The following TMEM132D variants were observed in gnomAD, a reference collection of about 807,000 sequenced individuals.
The protein encoded by TMEM132D is mature OL transmembrane protein.
In TMEM132D, 21 loss-of-function variants were observed where a neutral mutation model predicts 62.3. That is an observed-to-expected ratio of 0.34 (90% CI 0.24 to 0.49). The LOEUF (loss-of-function observed/expected upper bound fraction) is 0.49. Among genes scored for constraint, TMEM132D ranks in the 20% least tolerant of loss-of-function variants. TMEM132D has a pLI of 0.99. For synonymous variants in TMEM132D, 621 were observed against 575.6 expected (o/e 1.08, Z -1.13); for missense variants, 1,346 against 1,402.8 (o/e 0.96, Z 0.65).
intron 1 of TMEM132D, among the ~76,000 whole-genome samples, chr12:129,850,427 G>A (rs1210971517): frequency 6.6e-6 from 1 of 152,144 alleles, no homozygotes; most frequent in Non-Finnish European, 1.5e-5. Flanking sequence ...ACTTGGCCAC[G>A]CAAAGATGAA....
At chr12:129,377,572 A>G (rs1182196442) in intron 3 of TMEM132D, among the ~76,000 whole-genome samples, 1 of 152,160 alleles carries the variant, frequency 6.6e-6, no homozygotes, top group African/African-American at 2.4e-5. Context: ...TGCCCAGGGG[A>G]TGGTCTACCA....
At chr12:129,355,993 C>A (rs551954136) in intron 3 of TMEM132D, among the ~76,000 whole-genome samples, 331 of 152,256 alleles carry the variant, frequency 2.2e-3, no homozygotes, top group Middle Eastern at 6.8e-3. Context: ...AGCTACCCTG[C>A]ACGCGATTTC....
chr12:129,849,552 T>A (rs1873467342), intron 1 of TMEM132D, among the ~76,000 whole-genome samples: 1 of 152,180 alleles, frequency 6.6e-6, no homozygotes, highest in Non-Finnish European at 1.5e-5. Flanking sequence ...ACCACATAAT[T>A]ACTAAATTAC....
In TMEM132D at chr12:129,259,927, T is replaced by C. The variant is rs180842059; in HGVS notation, c.1300-50264A>G. ...GGGAAAGATGAGGGAAAGAGCCAAA[T>C]TGGGAAGAACTGGAACCAAGTGTTT... On this transcript the variant is annotated intron_variant, in intron 4 of 8. Coordinates refer to ENST00000422113, the MANE Select transcript of TMEM132D (RefSeq NM_133448.3). Among the ~76,000 whole-genome samples the C allele has an allele frequency of 1.0e-3, 155 of 151,950 alleles. 1 individual carries two copies. The highest frequency in any genetic ancestry group is 3.5e-3 in the African/African-American group (143 of 41,430).
chr12:129,555,147 G>A (rs541639128), intron 2 of TMEM132D, among the ~76,000 whole-genome samples: 2 of 152,264 alleles, frequency 1.3e-5, no homozygotes, highest in African/African-American at 2.4e-5. Flanking sequence ...TCATTTCCAC[G>A]TTGGAAAAGG....
intron 2 of TMEM132D, among the ~76,000 whole-genome samples, chr12:129,552,804 C>A (rs1876936961): frequency 6.6e-6 from 1 of 152,156 alleles, no homozygotes; most frequent in South Asian, 2.1e-4. Flanking sequence ...ACGTATCTAT[C>A]TAGCATCTAT....
chr12:129,313,569 G>GTATATA (rs71451305), intron 4 of TMEM132D, among the ~76,000 whole-genome samples: 1,803 of 148,434 alleles, frequency 0.012, 14 homozygotes, highest in Non-Finnish European at 0.017. Flanking sequence ...GTGTGTGTGT[G>GTATATA]TATATATATA....
Position 129,899,376 on chromosome 12 carries a change from GTAGA to G in TMEM132D, c.79+3881_79+3884del, listed in dbSNP as rs1227050757. On this transcript the variant is annotated intron_variant, in intron 1 of 8. Transcript: ENST00000422113. ...GAGGGATGGATGGATGGATGGACTG[GTAGA>G]TGGATGGGTGGATAATGGATGGATG... 2.8e-5 allele frequency among the ~76,000 whole-genome samples: 4 copies of G among 145,354 alleles called. 1 individual carries two copies. Among genetic ancestry groups the G allele is most frequent in the Admixed American group, 2.7e-4 (4 of 14,608 alleles).
chr12:129,546,775 T>C (rs1464751205), intron 2 of TMEM132D, among the ~76,000 whole-genome samples: 1 of 150,310 alleles, frequency 6.7e-6, no homozygotes, highest in Non-Finnish European at 1.5e-5. Context: ...TACTCCAGCC[T>C]GGGCAACAGA....
At chr12:129,800,539 A>G (rs1335449227) in intron 1 of TMEM132D, among the ~76,000 whole-genome samples, 3 of 152,112 alleles carry the variant, frequency 2.0e-5, no homozygotes, top group Admixed American at 6.5e-5. Flanking sequence ...TAGTGTTACA[A>G]AAGGGGAGCA....
At chr12:129,472,699 CA>C (rs943718180) in intron 3 of TMEM132D, among the ~76,000 whole-genome samples, 1 of 152,270 alleles carries the variant, frequency 6.6e-6, no homozygotes, top group Admixed American at 6.5e-5. Flanking sequence ...AAAGGATTTA[CA>C]ATATTGCTTC....
chr12:129,698,542 A>G (rs1446689551), intron 2 of TMEM132D, among the ~76,000 whole-genome samples: 2 of 14,540 alleles, frequency 1.4e-4, no homozygotes, highest in East Asian at 1.9e-3. Context: ...AGGGGAAGGG[A>G]GGGGAGGGGA....
At chr12:129,646,029 T>G (rs1264914206) in intron 2 of TMEM132D, among the ~76,000 whole-genome samples, 1 of 152,194 alleles carries the variant, frequency 6.6e-6, no homozygotes, top group Non-Finnish European at 1.5e-5. Flanking sequence ...CAGCAGCGTA[T>G]CGGGGTGCTC....
chr12:129,283,033 A>G (rs1192152909), intron 4 of TMEM132D, among the ~76,000 whole-genome samples: 1 of 152,100 alleles, frequency 6.6e-6, no homozygotes, highest in Non-Finnish European at 1.5e-5. Flanking sequence ...TACTTATACT[A>G]AGTATCTGAG....
intron 1 of TMEM132D, among the ~76,000 whole-genome samples, chr12:129,858,824 C>T (rs1241837715): frequency 8.8e-6 from 1 of 113,280 alleles, no homozygotes; most frequent in Admixed American, 8.6e-5. Flanking sequence ...GCCCTTGTAA[C>T]GGAGTCCGGG....
At chr12:129,476,090 A>C (rs1014218757) in intron 3 of TMEM132D, among the ~76,000 whole-genome samples, 2 of 152,276 alleles carry the variant, frequency 1.3e-5, no homozygotes, top group African/African-American at 4.8e-5. Context: ...ACTGTCCTCC[A>C]CACTGTGGGG....
At chr12:129,513,877 G>A (rs953879805) in intron 3 of TMEM132D, among the ~76,000 whole-genome samples, 54 of 144,912 alleles carry the variant, frequency 3.7e-4, no homozygotes, top group Admixed American at 7.8e-4. Context: ...TCGCTCTGTC[G>A]CCCAGGCTGG....
intron 1 of TMEM132D, among the ~76,000 whole-genome samples, chr12:129,800,000 G>C (rs1016406421): frequency 3.3e-5 from 5 of 152,168 alleles, no homozygotes; most frequent in Non-Finnish European, 7.3e-5. Flanking sequence ...CCTCAGGCAC[G>C]TGCGTACAGT....
In TMEM132D at chr12:129,073,862, GT is replaced by G. The variant is rs1874154844; in HGVS notation, c.*12del. 6.6e-7 allele frequency: 1 copy of G among 1,519,140 alleles called. No homozygotes were observed. Among genetic ancestry groups the G allele is most frequent in the African/African-American group, 1.4e-5 (1 of 71,736 alleles). 94.1% of individuals were successfully genotyped at this position (1,519,140 alleles called of 1,614,324 possible). On this transcript the variant is annotated 3_prime_UTR_variant, in exon 9 of 9. Transcript: ENST00000422113. ...GAAAGGTGAGTGAGAACCAATGTCT[GT>G]GTGTGTCTGGCTTACACATTTTCAT...
Sources: allele counts gnomAD v4.1 joint callset (sites outside exome capture counted in the v4.1 genomes callset), GRCh38; gene constraint gnomAD v4.1.1; transcripts MANE v1.5; gene names NCBI Gene and HGNC (gene_info 2026-07-23, HGNC 2026-07-21).